CERS6: variants seen among roughly 807,000 people sequenced by gnomAD.
CERS6 encodes LAG1 homolog, ceramide synthase 6.
A neutral mutation model predicts 56.8 loss-of-function variants in CERS6; 26 were observed. The ratio of observed to expected loss-of-function variants is 0.46; its 90% CI spans 0.34 to 0.63. The LOEUF (loss-of-function observed/expected upper bound fraction) is 0.63. CERS6 is among the 30% of genes least tolerant of loss of function. The probability of loss-of-function intolerance (pLI) is 0.01; values close to 1 mark genes in which losing one functional copy is unlikely to be tolerated. For missense variants in CERS6, 415 were observed against 467.5 expected (o/e 0.89, Z 1.04); for synonymous variants, 164 against 173.3 (o/e 0.95, Z 0.42).
rs1222081419 is a variant in CERS6 at position 168,456,344 on chromosome 2, G to A, written c.-105G>A. The A allele has an allele frequency of 3.1e-5, 23 of 739,324 alleles. No homozygotes were observed. The highest frequency in any genetic ancestry group is 3.8e-5 in the Non-Finnish European group (21 of 553,890). The allele number at this position is 739,324 out of a possible 1,614,324, so 45.8% of individuals were successfully genotyped here. Reference sequence around the variant, plus strand: ...GGCGGCGGGCGGGAGCAGCGGCGGCGGCGGCACAGGCTCGGGGCCAGCCGG... The same window carrying A: ...GGCGGCGGGCGGGAGCAGCGGCGGCAGCGGCACAGGCTCGGGGCCAGCCGG... On this transcript the variant is annotated 5_prime_UTR_variant, in exon 1 of 10. Transcript: ENST00000305747. The surrounding 1 kb of genome is among the most constrained non-coding windows in gnomAD (Gnocchi z 4.1).
chr2:168,760,805 G>C (rs1007406636), intron 8 of CERS6, among the ~76,000 whole-genome samples: 6 of 151,696 alleles, frequency 4.0e-5, no homozygotes, highest in Admixed American at 6.6e-5. Context: ...GCCCAGGCTG[G>C]AGTGCAGTGG....
At chr2:168,661,326 C>T (rs372814292) in intron 4 of CERS6, among the ~76,000 whole-genome samples, 4 of 152,108 alleles carry the variant, frequency 2.6e-5, no homozygotes, top group African/African-American at 9.7e-5. Context: ...AGATTACCTG[C>T]TAGACTAGCA....
At chr2:168,750,050 T>C (rs1684218303) in intron 8 of CERS6, among the ~76,000 whole-genome samples, 1 of 152,232 alleles carries the variant, frequency 6.6e-6, no homozygotes, top group African/African-American at 2.4e-5. Flanking sequence ...CTTCCAGGTG[T>C]TGGCTTGGCA....
At chr2:168,530,834 G>A (rs761338133) in intron 1 of CERS6, among the ~76,000 whole-genome samples, 11 of 152,176 alleles carry the variant, frequency 7.2e-5, no homozygotes, top group Non-Finnish European at 1.3e-4. Flanking sequence ...CCTCAGATGA[G>A]GTTGGTATGG....
At chr2:168,734,470 G>A (rs1683652589) in intron 8 of CERS6, among the ~76,000 whole-genome samples, 1 of 152,126 alleles carries the variant, frequency 6.6e-6, no homozygotes, top group Admixed American at 6.5e-5. Flanking sequence ...CACTAACACT[G>A]AACCATTTAT....
At chr2:168,608,268 T>A (rs938809578) in intron 3 of CERS6, among the ~76,000 whole-genome samples, 3 of 152,224 alleles carry the variant, frequency 2.0e-5, no homozygotes, top group Non-Finnish European at 2.9e-5. Context: ...CATTCACCAT[T>A]GAGTGGGTAT....
chr2:168,680,788 T>C lies in CERS6; in HGVS notation c.466-10246T>C, dbSNP rs561724957. ...GCAAGAAGACCCTCACAAGACCAAA[T>C]GCCAGTGCCTTGATCTTGGACTAAC... is the stretch of plus-strand genomic sequence containing the variant. On this transcript the variant is annotated intron_variant, in intron 4 of 9. Transcript: ENST00000305747. 1.7e-3 allele frequency among the ~76,000 whole-genome samples: 265 copies of C among 152,360 alleles called. 1 individual carries two copies. Among genetic ancestry groups the C allele is most frequent in the Middle Eastern group, 0.014 (4 of 294 alleles).
chr2:168,660,349 G>C (rs1685598471), intron 4 of CERS6, among the ~76,000 whole-genome samples: 2 of 152,132 alleles, frequency 1.3e-5, no homozygotes, highest in Non-Finnish European at 2.9e-5. Flanking sequence ...GCCATGCCTA[G>C]CTAATTATCA....
At chr2:168,714,859 G>A (rs1687188827) in intron 6 of CERS6, 142 bp from the exon 7 acceptor site, 2 of 674,444 alleles carry the variant, frequency 3.0e-6, no homozygotes, top group Non-Finnish European at 4.8e-6. Flanking sequence ...TGGAGGATAA[G>A]AATTATACGT....
chr2:168,553,333 C>T (rs943228355), intron 2 of CERS6, among the ~76,000 whole-genome samples: 1 of 151,810 alleles, frequency 6.6e-6, no homozygotes, highest in African/African-American at 2.4e-5. Context: ...AGATTTTTTC[C>T]TAAGATAAAT....
Position 168,638,813 on chromosome 2 carries a change from A to G in CERS6, c.465+7771A>G, listed in dbSNP as rs183024823. 2.7e-3 allele frequency among the ~76,000 whole-genome samples: 405 copies of G among 152,290 alleles called. 4 individuals are homozygous for G. Among genetic ancestry groups the G allele is most frequent in the African/African-American group, 9.3e-3 (385 of 41,560 alleles). On this transcript the variant is annotated intron_variant, in intron 4 of 9. Coordinates refer to ENST00000305747, the MANE Select transcript of CERS6 (RefSeq NM_203463.3). ...GCATTTCAGATTGACAGCTTTCTTC[A>G]GGCTGTGAGGTATACAGACTTTAGG...
intron 8 of CERS6, among the ~76,000 whole-genome samples, chr2:168,745,442 C>T (rs914215662): frequency 2.0e-5 from 3 of 152,018 alleles, no homozygotes; most frequent in African/African-American, 7.2e-5. Flanking sequence ...GGGGTTTCAC[C>T]GTGTTAGCCA....
intron 3 of CERS6, among the ~76,000 whole-genome samples, chr2:168,570,405 TG>T (rs1695964174): frequency 6.6e-6 from 1 of 152,116 alleles, no homozygotes; most frequent in Non-Finnish European, 1.5e-5. Flanking sequence ...ACATGAGAAA[TG>T]TCAGAATACA....
intron 8 of CERS6, among the ~76,000 whole-genome samples, chr2:168,736,119 T>G (rs1317287534): frequency 6.6e-6 from 1 of 152,142 alleles, no homozygotes; most frequent in African/African-American, 2.4e-5. Flanking sequence ...TTAGTAAACT[T>G]GATAAAATCA....
chr2:168,672,157 T>G (rs1685934824), intron 4 of CERS6, among the ~76,000 whole-genome samples: 1 of 152,232 alleles, frequency 6.6e-6, no homozygotes, highest in African/African-American at 2.4e-5. Context: ...ATCATAGCCC[T>G]TGGAAGTATA....
At chr2:168,583,831 T>C (rs1683477354) in intron 3 of CERS6, among the ~76,000 whole-genome samples, 1 of 152,238 alleles carries the variant, frequency 6.6e-6, no homozygotes, top group Non-Finnish European at 1.5e-5. Context: ...GAATGCTGAC[T>C]CTGTGCTGGC....
chr2:168,645,189 A>AGAGAGT (rs1685166772), intron 4 of CERS6, among the ~76,000 whole-genome samples: 1 of 85,014 alleles, frequency 1.2e-5, no homozygotes, highest in Admixed American at 1.2e-4. Flanking sequence ...AGAGAGAGAG[A>AGAGAGT]GTAACTTCTA....
intron 8 of CERS6, among the ~76,000 whole-genome samples, chr2:168,760,849 G>A (rs1046763586): frequency 7.9e-5 from 12 of 151,874 alleles, no homozygotes; most frequent in Admixed American, 3.3e-4. Context: ...TCCGCCTCCC[G>A]GGTTCACGCC....
At chr2:168,685,458 A>C (rs903075163) in intron 4 of CERS6, among the ~76,000 whole-genome samples, 3 of 152,140 alleles carry the variant, frequency 2.0e-5, no homozygotes, top group African/African-American at 7.2e-5. Context: ...CAAAATCGCT[A>C]TCTCTTTAGG....
Sources: gnomAD v4.1 joint callset for allele counts (sites outside exome capture counted in the v4.1 genomes callset) on GRCh38, gnomAD v4.1.1 for gene constraint, Gnocchi (gnomAD v3.1) non-coding constraint, MANE v1.5 for transcripts, NCBI Gene and HGNC (gene_info 2026-07-23, HGNC 2026-07-21) for gene names.